MAP2K4: variants seen among roughly 807,000 people sequenced by gnomAD.
MAP2K4 encodes the protein mitogen-activated protein kinase kinase 4, also known as dual specificity mitogen-activated protein kinase kinase 4.
In MAP2K4, 4 loss-of-function variants were observed where a neutral mutation model predicts 48.5. The observed-to-expected ratio is 0.08, with a 90% CI of 0.04 to 0.19. The LOEUF is 0.19. Ranked by LOEUF, MAP2K4 falls within the 10% of genes least tolerant of loss-of-function variation. The pLI is 1.00. For synonymous variants in MAP2K4, 166 were observed against 173.1 expected, an observed-to-expected ratio of 0.96 and a Z score of 0.32; for missense variants, 258 against 493.3, an observed-to-expected ratio of 0.52 and a Z score of 4.52.
intron 5 of MAP2K4, among the ~76,000 whole-genome samples, chr17:12,109,926 G>GAA (rs936953145): frequency 7.2e-5 from 11 of 151,972 alleles, no homozygotes; most frequent in African/African-American, 2.7e-4. Context: ...CCAGGAATTT[G>GAA]AGATCAGCTT....
chr17:12,042,496 A>G (rs1389204469), intron 1 of MAP2K4, among the ~76,000 whole-genome samples: 1 of 151,850 alleles, frequency 6.6e-6, no homozygotes, highest in Non-Finnish European at 1.5e-5. Flanking sequence ...AAAATACAAA[A>G]ATTAGCTAGG....
intron 2 of MAP2K4, among the ~76,000 whole-genome samples, chr17:12,061,431 C>G (rs1970446449): frequency 6.6e-6 from 1 of 152,178 alleles, no homozygotes; most frequent in African/African-American, 2.4e-5. Context: ...AGAAGTGATT[C>G]TCGACAGAGG....
chr17:12,133,331 T>C (rs1164497271), intron 9 of MAP2K4, among the ~76,000 whole-genome samples: 1 of 152,140 alleles, frequency 6.6e-6, no homozygotes, highest in Non-Finnish European at 1.5e-5. Flanking sequence ...ATCCGCCCGC[T>C]TCAGCCTCCC....
intron 1 of MAP2K4, among the ~76,000 whole-genome samples, chr17:12,025,370 A>G (rs748023588): frequency 6.6e-6 from 1 of 152,234 alleles, no homozygotes; most frequent in Non-Finnish European, 1.5e-5. Flanking sequence ...ATCTATAAGT[A>G]TATACAGATT....
chr17:12,131,179 T>C (rs113911660), intron 9 of MAP2K4, among the ~76,000 whole-genome samples: 1 of 152,128 alleles, frequency 6.6e-6, no homozygotes, highest in African/African-American at 2.4e-5. Flanking sequence ...TTAATTAATT[T>C]AGGCTTTCAG....
At position 12,095,277 on chromosome 17, in the gene MAP2K4, G is replaced by C. The variant is rs188964475; in HGVS notation, c.394-298G>C. On this transcript the variant is annotated intron_variant, in intron 3 of 10. Transcript: ENST00000353533. ...CATTTTCTTTATATTTGCATGTGGG[G>C]GTTAATTTTTACTGCCTAAGAACTT... 2.3e-3 allele frequency among the ~76,000 whole-genome samples: 353 copies of C among 152,190 alleles called. 5 individuals carry two copies. Among genetic ancestry groups the C allele is most frequent in the African/African-American group, 7.6e-3 (314 of 41,530 alleles).
chr17:12,142,975 C>T lies in MAP2K4; in HGVS notation c.*1715C>T, dbSNP rs753340576. 2.1e-5 allele frequency: 5 copies of T among 232,690 alleles called. No individual in the cohort carries two copies. Among genetic ancestry groups the T allele is most frequent in the Non-Finnish European group, 3.4e-5 (4 of 117,744 alleles). 14.4% of individuals were successfully genotyped at this position (232,690 alleles called of 1,614,324 possible). A position where few individuals can be genotyped will look rare whatever the true frequency, so the allele number is the denominator to read the frequency against. On this transcript the variant is annotated 3_prime_UTR_variant, in exon 11 of 11. Transcript: ENST00000353533. ...AGTGACAGTCATAAATACTGTCAAA[C>T]AATAAAGGGAGAATGGTGCTGTTTA...
chr17:12,029,805 G>A (rs1969375217), intron 1 of MAP2K4, among the ~76,000 whole-genome samples: 1 of 151,802 alleles, frequency 6.6e-6, no homozygotes, highest in Admixed American at 6.6e-5. Context: ...CAGACATAGT[G>A]GCTTGCACCT....
intron 2 of MAP2K4, among the ~76,000 whole-genome samples, chr17:12,064,246 C>T (rs771468195): frequency 1.3e-5 from 2 of 152,062 alleles, no homozygotes; most frequent in Non-Finnish European, 2.9e-5. Flanking sequence ...TCACACCCGA[C>T]TCATTTAAAA....
chr17:12,062,463 T>C (rs1010532660), intron 2 of MAP2K4, among the ~76,000 whole-genome samples: 13 of 152,114 alleles, frequency 8.5e-5, no homozygotes, highest in Admixed American at 5.9e-4. Flanking sequence ...GCCTTCTGAG[T>C]AGCTGGCACT....
chr17:12,064,015 A>AC (rs1970534747), intron 2 of MAP2K4, among the ~76,000 whole-genome samples: 1 of 77,748 alleles, frequency 1.3e-5, no homozygotes, highest in Non-Finnish European at 2.6e-5. Flanking sequence ...GGAGAGGGGA[A>AC]GGGGGGGAGA....
At chr17:12,077,480 C>A (rs994949636) in intron 2 of MAP2K4, among the ~76,000 whole-genome samples, 3 of 152,106 alleles carry the variant, frequency 2.0e-5, no homozygotes, top group Non-Finnish European at 2.9e-5. Flanking sequence ...ATAGAAAAGT[C>A]CGGAGATAAG....
At chr17:12,090,202 A>G (rs1216116725) in intron 3 of MAP2K4, among the ~76,000 whole-genome samples, 1 of 152,170 alleles carries the variant, frequency 6.6e-6, no homozygotes, top group Non-Finnish European at 1.5e-5. Flanking sequence ...GCCTCTTCAC[A>G]TACATTGTTC....
At chr17:12,033,212 T>C (rs1296545770) in intron 1 of MAP2K4, among the ~76,000 whole-genome samples, 1 of 152,196 alleles carries the variant, frequency 6.6e-6, no homozygotes, top group Non-Finnish European at 1.5e-5. Flanking sequence ...AGGAGACTAC[T>C]CTCCAGTTAA....
intron 2 of MAP2K4, among the ~76,000 whole-genome samples, chr17:12,076,528 TTAATC>T (rs1199694635): frequency 6.6e-6 from 1 of 152,210 alleles, no homozygotes; most frequent in Non-Finnish European, 1.5e-5. Flanking sequence ...TTTTCAGATT[TTAATC>T]TAACAAGATA....
intron 4 of MAP2K4, among the ~76,000 whole-genome samples, chr17:12,098,771 G>A (rs1024018535): frequency 2.6e-5 from 4 of 152,036 alleles, no homozygotes; most frequent in African/African-American, 7.2e-5. Context: ...ACACCCTCCA[G>A]GGATTTCATT....
At chr17:12,040,375 A>G (rs1969739762) in intron 1 of MAP2K4, among the ~76,000 whole-genome samples, 1 of 152,214 alleles carries the variant, frequency 6.6e-6, no homozygotes, top group African/African-American at 2.4e-5. Context: ...ATGAAAGTGT[A>G]TTTATATGCA....
chr17:12,090,567 C>G (rs1971528536), intron 3 of MAP2K4, among the ~76,000 whole-genome samples: 1 of 152,144 alleles, frequency 6.6e-6, no homozygotes, highest in African/African-American at 2.4e-5. Flanking sequence ...TGTCAGCCTG[C>G]CTTCCTTTGC....
At chr17:12,064,021 GGAGAGAGAGAGA>G (rs34670472) in intron 2 of MAP2K4, among the ~76,000 whole-genome samples, 3 of 93,566 alleles carry the variant, frequency 3.2e-5, no homozygotes, top group African/African-American at 4.2e-5. Context: ...GGGAAGGGGG[GGAGAGAGAGAGA>G]GAGAGAGAGA....
Sources: gnomAD v4.1 joint callset for allele counts (sites outside exome capture counted in the v4.1 genomes callset) on GRCh38, gnomAD v4.1.1 for gene constraint, MANE v1.5 for transcripts, NCBI Gene and HGNC (gene_info 2026-07-23, HGNC 2026-07-21) for gene names.